Variants in WWOX observed in about 807,000 individuals in gnomAD.
WWOX encodes the protein WW domain containing oxidoreductase, also known as WW domain-containing oxidoreductase.
A neutral mutation model predicts 46.2 loss-of-function variants in WWOX; 69 were observed. The ratio of observed to expected loss-of-function variants is 1.49; its 90% confidence interval spans 1.23 to 1.82. WWOX has a LOEUF of 1.82. Ranked by LOEUF, WWOX falls within the 40% of genes most tolerant of loss-of-function variation. WWOX has a pLI of 0.00. For synonymous variants in WWOX, 359 were observed against 202.6 expected (o/e 1.77, Z -6.56); for missense variants, 919 against 542.6 (o/e 1.69, Z -6.89).
At chr16:78,604,331 C>T (rs1169252392) in intron 8 of WWOX, among the ~76,000 whole-genome samples, 3 of 152,204 alleles carry the variant, frequency 2.0e-5, no homozygotes, top group East Asian at 3.9e-4. Flanking sequence ...ACTTCTCTAG[C>T]CCTCATGAAT....
intron 8 of WWOX, among the ~76,000 whole-genome samples, chr16:79,108,764 A>G (rs534498139): frequency 4.5e-4 from 68 of 152,130 alleles, no homozygotes; most frequent in African/African-American, 1.6e-3. Context: ...AGTTAGGTGT[A>G]GTGGCGTGTG....
Position 78,115,060 on chromosome 16 carries a change from A to C in WWOX, c.315A>C (p.Gln105His), listed in dbSNP as rs752822745. The C allele has an allele frequency of 1.2e-6, 2 of 1,614,196 alleles. No individual in the cohort carries two copies. Among genetic ancestry groups the C allele is most frequent in the Middle Eastern group, 1.6e-4 (1 of 6,062 alleles). Residue 105 changes from glutamine to histidine, a missense_variant, in exon 4 of 9, where the codon CAA (glutamine) becomes CAC (histidine). Coordinates refer to ENST00000566780, the MANE Select transcript of WWOX (RefSeq NM_016373.4). Reference protein sequence around the residue: ...DDNPTKPTTRQRYDGSTTAME... With the variant: ...DDNPTKPTTRHRYDGSTTAME... ...ATCCGACCAAGCCAACCACCCGGCA[A>C]AGATACGACGGCAGCACCACTGCCA...
intron 8 of WWOX, chr16:78,757,060 C>T (rs569580390): frequency 1.4e-5 from 10 of 702,188 alleles, no homozygotes; most frequent in Non-Finnish European, 2.1e-5. Context: ...CCTAGTTAAG[C>T]CTTGAGGTGA....
chr16:78,862,286 C>G (rs2656638), intron 8 of WWOX, among the ~76,000 whole-genome samples: 21,094 of 151,184 alleles, frequency 0.14, 1,874 homozygotes, highest in Middle Eastern at 0.2. Context: ...ATGGGTGTGT[C>G]TTTCTGTATC....
At chr16:78,123,138 A>T (rs1452134717) in intron 4 of WWOX, 1 of 152,022 alleles carries the variant, frequency 6.6e-6, no homozygotes, top group Non-Finnish European at 1.5e-5. Context: ...CAAACTGAAG[A>T]CTGTTACTAG....
chr16:78,988,547 A>C, intron 8 of WWOX, among the ~76,000 whole-genome samples: 1 of 152,016 alleles, frequency 6.6e-6, no homozygotes, highest in East Asian at 1.9e-4. Flanking sequence ...CCCTCTCCCC[A>C]GGAGAGGTCC....
intron 5 of WWOX, among the ~76,000 whole-genome samples, chr16:78,287,811 G>C (rs921051415): frequency 6.6e-5 from 10 of 152,168 alleles, no homozygotes; most frequent in Admixed American, 6.5e-4. Context: ...ATTTTTTTAA[G>C]ATCAATTATG....
At chr16:78,251,862 T>A (rs1807148258) in intron 5 of WWOX, among the ~76,000 whole-genome samples, 1 of 152,226 alleles carries the variant, frequency 6.6e-6, no homozygotes. Flanking sequence ...AGGAAGGTTT[T>A]GGGTTATGTG....
At chr16:78,944,390 A>C (rs1482563465) in intron 8 of WWOX, among the ~76,000 whole-genome samples, 1 of 152,166 alleles carries the variant, frequency 6.6e-6, no homozygotes, top group Non-Finnish European at 1.5e-5. Flanking sequence ...TGCTCAAGAC[A>C]CGTTTGTTGC....
intron 8 of WWOX, among the ~76,000 whole-genome samples, chr16:78,990,305 A>T (rs539912547): frequency 6.6e-6 from 1 of 152,020 alleles, no homozygotes; most frequent in South Asian, 2.1e-4. Flanking sequence ...CTGACTGTGC[A>T]TTGGTTCTAA....
chr16:78,794,999 T>C (rs1383748581), intron 8 of WWOX, among the ~76,000 whole-genome samples: 1 of 152,216 alleles, frequency 6.6e-6, no homozygotes. Context: ...CTGTAAGTAA[T>C]GGGAGTTGGA....
chr16:78,557,008 G>A (rs749467356), intron 8 of WWOX, among the ~76,000 whole-genome samples: 1 of 152,058 alleles, frequency 6.6e-6, no homozygotes, highest in Non-Finnish European at 1.5e-5. Flanking sequence ...GTGAGCCACC[G>A]AGCCCAGCCG....
At chr16:78,563,682 C>A (rs766151329) in intron 8 of WWOX, among the ~76,000 whole-genome samples, 1 of 152,204 alleles carries the variant, frequency 6.6e-6, no homozygotes, top group African/African-American at 2.4e-5. Context: ...TGATCTGATT[C>A]ATTAATATCC....
intron 8 of WWOX, among the ~76,000 whole-genome samples, chr16:78,572,256 C>T (rs530433648): frequency 6.6e-5 from 10 of 152,206 alleles, no homozygotes; most frequent in South Asian, 2.1e-4. Context: ...GATACCAGAA[C>T]GTGCATCAAC....
At chr16:78,786,315 G>GT in intron 8 of WWOX, among the ~76,000 whole-genome samples, 1 of 152,132 alleles carries the variant, frequency 6.6e-6, no homozygotes, top group East Asian at 1.9e-4. Context: ...GTAAATAGTG[G>GT]TACCCTGAGC....
chr16:78,543,230 G>C (rs541535440), intron 8 of WWOX, among the ~76,000 whole-genome samples: 1 of 152,188 alleles, frequency 6.6e-6, no homozygotes, highest in African/African-American at 2.4e-5. Context: ...AGTCACAACA[G>C]CAATTAAATG....
chr16:79,094,187 C>G (rs951105523), intron 8 of WWOX, among the ~76,000 whole-genome samples: 10 of 152,000 alleles, frequency 6.6e-5, no homozygotes, highest in African/African-American at 2.4e-4. Flanking sequence ...TCGTCGTGTG[C>G]CGATATTTCA....
Position 78,386,902 on chromosome 16 carries a change from C to G in WWOX, c.559C>G (p.Leu187Val). The G allele has an allele frequency of 2.5e-6, 4 of 1,614,116 alleles. No individual in the cohort carries two copies. The highest frequency in any genetic ancestry group is 3.4e-6 in the Non-Finnish European group (4 of 1,180,004). Residue 187 changes from leucine (L) to valine (V), a missense_variant, in exon 6 of 9, where the codon CTC (leucine) becomes GTC (valine). By Grantham distance (32) the Leu-to-Val change is conservative. Transcript: ENST00000566780. The stretch of plus-strand genomic sequence containing the variant: ...AGCAATGACCCTGGACCTCGCTCTG[C>G]TCCGTAGCGTGCAGCATTTTGCTGA... The part of the protein sequence containing the change: ...VEAMTLDLAL[L>V]RSVQHFAEAF...
intron 8 of WWOX, among the ~76,000 whole-genome samples, chr16:78,889,807 A>C (rs2044548821): frequency 6.6e-6 from 1 of 152,200 alleles, no homozygotes; most frequent in East Asian, 1.9e-4. Flanking sequence ...AGGTTTAAAG[A>C]TACTGTTGTC....
Sources: gnomAD v4.1 joint callset for allele counts (sites outside exome capture counted in the v4.1 genomes callset) on GRCh38, gnomAD v4.1.1 for gene constraint, MANE v1.5 for transcripts, NCBI Gene and HGNC (gene_info 2026-07-23, HGNC 2026-07-21) for gene names.